Variants in IFT57 observed in about 807,000 individuals in gnomAD.
IFT57 encodes intraflagellar transport protein 57 homolog.
Under a neutral mutation model 56.8 loss-of-function variants are expected in IFT57, and 59 were observed. The observed-to-expected ratio is 1.04, with a 90% CI of 0.84 to 1.29. The LOEUF (loss-of-function observed/expected upper bound fraction) is 1.29. Among genes scored for constraint, IFT57 ranks in the 50% most tolerant of loss-of-function variants. The pLI is 0.00. For missense variants in IFT57, 470 were observed against 522.1 expected, an observed-to-expected ratio of 0.90 and a Z score of 0.97; for synonymous variants, 209 against 186.1, an observed-to-expected ratio of 1.12 and a Z score of -1.00.
rs756536088 is a variant in IFT57, at chr3:108,165,467, A to G, written c.1008T>C (p.Asn336=). 11 of 1,612,648 alleles carry G rather than the reference A, an allele frequency of 6.8e-6. No homozygotes were observed. The African/African-American group carries it at 1.5e-4, about 22-fold the overall frequency. Residue 336 remains asparagine, a synonymous_variant, in exon 9 of 11, where the codon AAT becomes AAC. Coordinates refer to ENST00000264538, the MANE Select transcript of IFT57 (RefSeq NM_018010.4). ...SEAKERYQQG[N]GGVTERTRLL... is the part of the protein sequence containing the mutation. ...GTCTGGTTCTTTCCGTCACTCCTCC[A>G]TTTCCCTGCTGGTATCGCTCCTTTG...
chr3:108,188,770 T>C (rs989305453), intron 6 of IFT57, among the ~76,000 whole-genome samples: 9 of 152,206 alleles, frequency 5.9e-5, no homozygotes, highest in East Asian at 3.8e-4. Context: ...TGGTCTGTTA[T>C]AGAATTTGAC....
chr3:108,197,323 G>C (rs1280292443), intron 5 of IFT57, among the ~76,000 whole-genome samples: 2 of 152,180 alleles, frequency 1.3e-5, no homozygotes, highest in African/African-American at 4.8e-5. Flanking sequence ...AGACTACTAG[G>C]AAAAGTCTGA....
At chr3:108,220,150 A>G (rs1212856137) in intron 1 of IFT57, among the ~76,000 whole-genome samples, 1 of 152,244 alleles carries the variant, frequency 6.6e-6, no homozygotes, top group Non-Finnish European at 1.5e-5. Flanking sequence ...GGTATATTTC[A>G]AAAGATTTCT....
chr3:108,196,440 G>C (rs188504115), intron 5 of IFT57, among the ~76,000 whole-genome samples: 159 of 152,286 alleles, frequency 1.0e-3, no homozygotes, highest in Admixed American at 2.0e-3. Flanking sequence ...TTTTCATAAA[G>C]GCAGATGGGT....
At chr3:108,214,680 A>C (rs2080360913) in intron 3 of IFT57, among the ~76,000 whole-genome samples, 1 of 152,172 alleles carries the variant, frequency 6.6e-6, no homozygotes, top group African/African-American at 2.4e-5. Context: ...TCTTGTTTTA[A>C]CTGCATTTCT....
At chr3:108,174,764 A>G (rs2080114802) in intron 6 of IFT57, among the ~76,000 whole-genome samples, 2 of 151,846 alleles carry the variant, frequency 1.3e-5, no homozygotes, top group Non-Finnish European at 2.9e-5. Context: ...CAGCCATGAT[A>G]ATAATAAGCA....
chr3:108,193,278 A>G (rs540041385), intron 5 of IFT57, among the ~76,000 whole-genome samples: 2 of 152,304 alleles, frequency 1.3e-5, no homozygotes, highest in South Asian at 4.1e-4. Context: ...CTCACTCCCA[A>G]TTAAGACTCT....
chr3:108,210,149 T>C (rs1449502489), intron 4 of IFT57, among the ~76,000 whole-genome samples: 1 of 152,096 alleles, frequency 6.6e-6, no homozygotes, highest in Admixed American at 6.5e-5. Context: ...TATGCCTTCT[T>C]AATTCTGACT....
rs548984636 is a variant in IFT57, at chr3:108,168,423, C to A, written c.778-559G>T. Among the ~76,000 whole-genome samples, 10 of 152,070 alleles carry A rather than the reference C, an allele frequency of 6.6e-5. No individual in the cohort carries two copies. The South Asian group carries it at 1.7e-3, about 25-fold the overall frequency. The stretch of plus-strand genomic sequence containing the variant: ...TGTGCAAATTTGAAATCTACATCAA[C>A]ATTTTAATTTCCTACAAAATATATT... On this transcript the variant is annotated intron_variant, in intron 6 of 10. Transcript: ENST00000264538.
chr3:108,215,811 C>G (rs983681673), intron 3 of IFT57, among the ~76,000 whole-genome samples: 1 of 152,126 alleles, frequency 6.6e-6, no homozygotes, highest in African/African-American at 2.4e-5. Flanking sequence ...TCAGCTCCCT[C>G]CTTTTATTCC....
At chr3:108,167,959 T>A in intron 6 of IFT57, 95 bp from the exon 7 acceptor site, 1 of 859,578 alleles carries the variant, frequency 1.2e-6, no homozygotes, top group Non-Finnish European at 1.7e-6. Flanking sequence ...TTACTTTGGT[T>A]CCTGCCCTAT....
chr3:108,215,637 TA>T (rs2080368088), intron 3 of IFT57, among the ~76,000 whole-genome samples: 1 of 152,164 alleles, frequency 6.6e-6, no homozygotes, highest in African/African-American at 2.4e-5. Context: ...TCTTAAATAA[TA>T]AATTTCCTAA....
At chr3:108,163,633 G>GT in intron 10 of IFT57, 30 bp downstream of exon 10, 1 of 1,519,404 alleles carries the variant, frequency 6.6e-7, no homozygotes, top group South Asian at 1.1e-5. Context: ...CTCTTGCTCA[G>GT]TTTTTCCCCT....
At chr3:108,191,722 C>A in intron 5 of IFT57, 79 bp from the exon 6 acceptor site, 2 of 866,082 alleles carry the variant, frequency 2.3e-6, no homozygotes, top group South Asian at 5.0e-5. Context: ...AGCAGTACTG[C>A]ACAATTTAAA....
Position 108,162,556 on chromosome 3 carries a change from G to C in IFT57, c.1211C>G (p.Ser404Ter). 6.2e-7 allele frequency: 1 copy of C among 1,612,672 alleles called. No individual in the cohort carries two copies. Among genetic ancestry groups the C allele is most frequent in the Non-Finnish European group, 8.5e-7 (1 of 1,179,028 alleles). The change falls in exon 11 of 11, where the codon TCA (serine) becomes TGA (stop). Residue 404 changes from serine to a stop codon, truncating the protein, a stop_gained. Transcript: ENST00000264538. LOFTEE classifies it high-confidence loss of function. ...IGIVEHTLLQ[S>*]KLKEKSNMTR... ...CATGTTGGACTTCTCCTTCAGCTTT[G>C]ATTGGAGTAGTGTGTGTTCCACAAT...
chr3:108,218,876 C>CAATA (rs2080389040), intron 2 of IFT57, among the ~76,000 whole-genome samples: 1 of 151,984 alleles, frequency 6.6e-6, no homozygotes, highest in East Asian at 1.9e-4. Context: ...AATTAAAAAG[C>CAATA]AATAACATCA....
At chr3:108,179,716 T>C (rs537019138) in intron 6 of IFT57, among the ~76,000 whole-genome samples, 7 of 152,078 alleles carry the variant, frequency 4.6e-5, no homozygotes, top group Non-Finnish European at 8.8e-5. Context: ...AAAAATGAGA[T>C]TGAATAACTT....
intron 9 of IFT57, among the ~76,000 whole-genome samples, chr3:108,164,329 T>C (rs915691463): frequency 1.3e-5 from 2 of 152,106 alleles, no homozygotes; most frequent in African/African-American, 4.8e-5. Flanking sequence ...ATTATACTAC[T>C]ATAACCTCTA....
intron 10 of IFT57, among the ~76,000 whole-genome samples, 153 bp downstream of exon 10, chr3:108,163,510 C>A (rs28483736): frequency 6.6e-6 from 1 of 151,966 alleles, no homozygotes; most frequent in Non-Finnish European, 1.5e-5. Flanking sequence ...AAAAACAGTA[C>A]GCTGATTATC....
Sources: allele counts gnomAD v4.1 joint callset (sites outside exome capture counted in the v4.1 genomes callset), GRCh38; gene constraint gnomAD v4.1.1; transcripts MANE v1.5; gene names NCBI Gene and HGNC (gene_info 2026-07-23, HGNC 2026-07-21).